B4GALNT4: variants seen among roughly 807,000 people sequenced by gnomAD.
B4GALNT4 encodes beta-1,4-N-acetyl-galactosaminyltransferase 4.
B4GALNT4 carries 77 observed loss-of-function variants against 110.0 expected under a neutral mutation model. That is an observed-to-expected ratio of 0.70 (90% confidence interval 0.58 to 0.85). The LOEUF (loss-of-function observed/expected upper bound fraction) is 0.85. Ranked by LOEUF, B4GALNT4 falls within the 40% of genes least tolerant of loss-of-function variation. The pLI is 0.00. For synonymous variants in B4GALNT4, 785 were observed against 655.5 expected, an observed-to-expected ratio of 1.20 and a Z score of -3.02; for missense variants, 1,575 against 1,506.0, an observed-to-expected ratio of 1.05 and a Z score of -0.76.
At chr11:369,986 G>T in intron 1 of B4GALNT4, 32 bp downstream of exon 1, 3 of 319,380 alleles carry the variant, frequency 9.4e-6, no homozygotes, top group Non-Finnish European at 1.3e-5. Context: ...GGGCGCGGGG[G>T]GCGGGGGCGG....
rs961413157 is a variant in B4GALNT4, at chr11:380,588, C to T, written c.2869+143C>T. On this transcript the variant is annotated intron_variant, in intron 18 of 19. Coordinates refer to ENST00000329962, the MANE Select transcript of B4GALNT4 (RefSeq NM_178537.5). ...TCCCCGTAGTGCCCAGAGCCCCAGT[C>T]CCCCCGCACCAGCACACCCAGGGCC... 1.2e-5 allele frequency: 16 copies of T among 1,312,790 alleles called. No individual in the cohort carries two copies. The East Asian group carries it at 2.8e-4, about 23-fold the overall frequency. 81.3% of individuals were successfully genotyped at this position (1,312,790 alleles called of 1,614,324 possible). A position where few individuals can be genotyped will look rare whatever the true frequency, so the allele number is the denominator to read the frequency against.
At position 369,708 on chromosome 11, in the gene B4GALNT4, C is replaced by CGGCGG. The variant is rs1846574467; in HGVS notation, c.-89_-85dup. ...CATGCGGGGCCGCGGGCGCTGAGCGCGGCGGGGCGGGCCGGGGATGCGGCG... is the reference window on the plus strand; with the variant it reads ...CATGCGGGGCCGCGGGCGCTGAGCGCGGCGGGGCGGGGCGGGCCGGGGATGCGGCG... On this transcript the variant is annotated 5_prime_UTR_variant, in exon 1 of 20. Transcript: ENST00000329962. 1.6e-6 allele frequency: 1 copy of CGGCGG among 611,992 alleles called. No individual in the cohort carries two copies. The highest frequency in any genetic ancestry group is 6.6e-5 in the Admixed American group (1 of 15,086). The allele number at this position is 611,992 out of a possible 1,614,324, so 37.9% of individuals were successfully genotyped here.
rs865939359 is a variant in B4GALNT4, at chr11:377,288, C to T, written c.2165C>T (p.Thr722Ile). 1.1e-5 allele frequency: 18 copies of T among 1,588,204 alleles called. No individual in the cohort carries two copies. Among genetic ancestry groups the T allele is most frequent in the Non-Finnish European group, 1.5e-5 (18 of 1,169,520 alleles). The change falls in exon 14 of 20, where the codon ACC becomes ATC. Residue 722 changes from threonine (T) to isoleucine (I), a missense_variant. By Grantham distance (89) the Thr-to-Ile change is moderately conservative. Coordinates refer to ENST00000329962, the MANE Select transcript of B4GALNT4 (RefSeq NM_178537.5). ...CCGGAGGCGGAGGCCGTGGACGTGACCGCTCAGTACATGGAGCGGCTGAAC... is the reference window on the plus strand; with the variant it reads ...CCGGAGGCGGAGGCCGTGGACGTGATCGCTCAGTACATGGAGCGGCTGAAC... ...QLPEAEAVDV[T>I]AQYMERLNAR...
rs557519672 is a variant in B4GALNT4 at position 371,275 on chromosome 11, G to A, written c.152-834G>A. On this transcript the variant is annotated intron_variant, in intron 1 of 19. Transcript: ENST00000329962. The stretch of plus-strand genomic sequence containing the variant: ...GGGCGAGTGAGCAGACTGTTCTGTC[G>A]GGGGACCTGGGGCCCAAGTCAGGGG... Among the ~76,000 whole-genome samples, 8 of 152,248 alleles carry A rather than the reference G, an allele frequency of 5.3e-5. No homozygotes were observed. In the East Asian group the frequency reaches 1.3e-3, roughly 26 times the overall value.
chr11:371,662 GT>G (rs1846620644), intron 1 of B4GALNT4, among the ~76,000 whole-genome samples: 1 of 152,234 alleles, frequency 6.6e-6, no homozygotes, highest in Non-Finnish European at 1.5e-5. Context: ...CTAACCCTGA[GT>G]TCTCAGTTCT....
In B4GALNT4 at chr11:377,057, AGGAGGAGGAAGG is replaced by A; in HGVS notation, c.1941_1952del (p.Glu647_Glu650del). 1 of 1,439,128 alleles carries A rather than the reference AGGAGGAGGAAGG, an allele frequency of 6.9e-7. No individual in the cohort carries two copies. 89.1% of individuals were successfully genotyped at this position (1,439,128 alleles called of 1,614,324 possible). A position where few individuals can be genotyped will look rare whatever the true frequency, so the allele number is the denominator to read the frequency against. Reference sequence around the variant, plus strand: ...CCGCAGCTGCCCGGGGAGGGCGAAGAGGAGGAGGAAGGGGAGGACGATGGGGCCCCGGGCGAC... The same window carrying A: ...CCGCAGCTGCCCGGGGAGGGCGAAGAGGAGGACGATGGGGCCCCGGGCGAC... On this transcript the variant is annotated inframe_deletion, in exon 14 of 20. Transcript: ENST00000329962.
chr11:375,651 T>G lies in B4GALNT4; in HGVS notation c.863T>G (p.Leu288Trp). 1 of 1,592,004 alleles carries G rather than the reference T, an allele frequency of 6.3e-7. No homozygotes were observed. Among genetic ancestry groups the G allele is most frequent in the Non-Finnish European group, 8.5e-7 (1 of 1,173,790 alleles). ...HISLYTDESA[L>W]KMDHVAHVPQ... is the part of the protein sequence containing the mutation. ...CTTCTGCCCCCAGATGAGTCAGCCT[T>G]GAAGATGGACCACGTGGCGCACGTC... Residue 288 changes from leucine (L) to tryptophan (W), a missense_variant, in exon 10 of 20, where the codon TTG (leucine) becomes TGG (tryptophan). Leu to Trp is a moderately conservative substitution (Grantham distance 61, BLOSUM62 -2). Coordinates refer to ENST00000329962, the MANE Select transcript of B4GALNT4 (RefSeq NM_178537.5).
At chr11:371,054 G>A (rs879002546) in intron 1 of B4GALNT4, among the ~76,000 whole-genome samples, 3 of 152,134 alleles carry the variant, frequency 2.0e-5, no homozygotes, top group Admixed American at 2.0e-4. Context: ...AACAAAACCA[G>A]CCCCCTCTGC....
chr11:373,624 G>C, intron 7 of B4GALNT4, 108 bp downstream of exon 7: 1 of 1,515,436 alleles, frequency 6.6e-7, no homozygotes, highest in Non-Finnish European at 9.1e-7. Flanking sequence ...ACGAGCACCC[G>C]CCCGGCCAAG....
intron 1 of B4GALNT4, among the ~76,000 whole-genome samples, chr11:370,303 C>T (rs75709474): frequency 0.079 from 11,975 of 152,110 alleles, 657 homozygotes; most frequent in Admixed American, 0.15. Context: ...AGTCTCTGCC[C>T]CTAGACCCTG....
Position 375,701 on chromosome 11 carries a change from G to C in B4GALNT4, c.913G>C (p.Gly305Arg), listed in dbSNP as rs118028728. The C allele has an allele frequency of 6.9e-6, 11 of 1,594,632 alleles. No homozygotes were observed. Among genetic ancestry groups the C allele is most frequent in the Non-Finnish European group, 9.4e-6 (11 of 1,175,144 alleles). Residue 305 changes from glycine (G) to arginine (R), a missense_variant, in exon 10 of 20, where the codon GGG (glycine) becomes CGG (arginine). Transcript: ENST00000329962. ...CCCCCAGTCTCCAGCCAGCCACGTGGGGGGGCGTCCGCCGCAGGAGGAGAC... is the reference window on the plus strand; with the variant it reads ...CCCCCAGTCTCCAGCCAGCCACGTGCGGGGGCGTCCGCCGCAGGAGGAGAC... ...HVPQSPASHVGGRPPQEETSA... is the reference protein window; with the variant it reads ...HVPQSPASHVRGRPPQEETSA...
At position 377,322 on chromosome 11, in the gene B4GALNT4, C is replaced by A; in HGVS notation, c.2199C>A (p.His733Gln). Reference protein sequence around the residue: ...AQYMERLNARHGGRFALLRIV... With the variant: ...AQYMERLNARQGGRFALLRIV... ...ACATGGAGCGGCTGAACGCGCGCCA[C>A]GGCGGGTATGGGGGCGGCCGAACGC... The change falls in exon 14 of 20, where the codon CAC becomes CAA. Residue 733 changes from histidine to glutamine, a missense_variant. By Grantham distance (24) the His-to-Gln change is conservative. Transcript: ENST00000329962. 10 of 1,535,816 alleles carry A rather than the reference C, an allele frequency of 6.5e-6. No homozygotes were observed. The highest frequency in any genetic ancestry group is 7.9e-6 in the Non-Finnish European group (9 of 1,144,580).
chr11:373,798 C>T lies in B4GALNT4; in HGVS notation c.753C>T (p.Asp251=), dbSNP rs201612132. The part of the protein sequence containing the change: ...RYYFELLHKQ[D]DRGSDHVEVG... ...ACTTTGAGTTGCTGCACAAGCAGGA[C>T]GACCGCGGCTCGGACCACGTGGAAG... Residue 251 remains aspartate, a synonymous_variant, in exon 8 of 20, where the codon GAC becomes GAT. Coordinates refer to ENST00000329962, the MANE Select transcript of B4GALNT4 (RefSeq NM_178537.5). 5.1e-4 allele frequency: 828 copies of T among 1,612,310 alleles called. 1 individual carries two copies. Among genetic ancestry groups the T allele is most frequent in the Non-Finnish European group, 6.5e-4 (763 of 1,179,852 alleles).
intron 18 of B4GALNT4, 54 bp downstream of exon 18, chr11:380,499 G>C (rs1458587993): frequency 8.5e-6 from 13 of 1,536,392 alleles, no homozygotes; most frequent in Middle Eastern, 1.7e-4. Flanking sequence ...CAACCGCCGC[G>C]GTAAAGTCCA....
At chr11:380,551 G>A in intron 18 of B4GALNT4, 106 bp downstream of exon 18, 2 of 1,435,030 alleles carry the variant, frequency 1.4e-6, no homozygotes, top group East Asian at 2.5e-5. Context: ...AGGCCTGGGA[G>A]TCCATCAGTG....
At chr11:379,841 G>A (rs1472000751) in intron 15 of B4GALNT4, 25 bp from the exon 16 acceptor site, 1 of 1,561,602 alleles carries the variant, frequency 6.4e-7, no homozygotes, top group East Asian at 2.3e-5. Flanking sequence ...TCGGCTCAGC[G>A]CCCCCCCCGC....
Position 369,781 on chromosome 11 carries a change from C to T in B4GALNT4, c.-23C>T. ...CTGCAGCGGCGCCGCTGAGCGCGGC[C>T]TGGGGCGGGCGCGGCGGCCGCGATG... On this transcript the variant is annotated 5_prime_UTR_variant, in exon 1 of 20. Coordinates refer to ENST00000329962, the MANE Select transcript of B4GALNT4 (RefSeq NM_178537.5). 4 of 974,182 alleles carry T rather than the reference C, an allele frequency of 4.1e-6. No homozygotes were observed. In the East Asian group the frequency reaches 4.7e-4, roughly 114 times the overall value. 60.3% of individuals were successfully genotyped at this position (974,182 alleles called of 1,614,324 possible).
At position 380,444 on chromosome 11, in the gene B4GALNT4, C is replaced by T. The variant is rs767133849; in HGVS notation, c.2868C>T (p.His956=). 20 of 1,594,768 alleles carry T rather than the reference C, an allele frequency of 1.3e-5. No homozygotes were observed. The highest frequency in any genetic ancestry group is 1.2e-4 in the Admixed American group (7 of 57,680). Residue 956 remains histidine, a splice_region_variant and synonymous_variant, in exon 18 of 20, where the codon CAC becomes CAT. Coordinates refer to ENST00000329962, the MANE Select transcript of B4GALNT4 (RefSeq NM_178537.5). ...LSCGSSPRDP[H]GYWEVNGFGL... is the part of the protein sequence containing the mutation. ...GCGGGAGCTCGCCCCGGGACCCCCA[C>T]GGTGAGGCCCCGAGCGTCCCACCCT... is the stretch of plus-strand genomic sequence containing the variant.
chr11:376,663 C>T lies in B4GALNT4; in HGVS notation c.1540C>T (p.Pro514Ser). 3 of 1,429,752 alleles carry T rather than the reference C, an allele frequency of 2.1e-6. No individual in the cohort carries two copies. Among genetic ancestry groups the T allele is most frequent in the Non-Finnish European group, 2.7e-6 (3 of 1,094,958 alleles). 88.6% of individuals were successfully genotyped at this position (1,429,752 alleles called of 1,614,324 possible). The change falls in exon 14 of 20, where the codon CCG (proline) becomes TCG (serine). Residue 514 changes from proline (P) to serine (S), a missense_variant. Coordinates refer to ENST00000329962, the MANE Select transcript of B4GALNT4 (RefSeq NM_178537.5). Reference sequence around the variant, plus strand: ...GCTCTTCTTGGGCCGAGCTCCGCCCCCGCGCCCTGCAGTGGAGCAGCCGCC... The same window carrying T: ...GCTCTTCTTGGGCCGAGCTCCGCCCTCGCGCCCTGCAGTGGAGCAGCCGCC... ...LPLFLGRAPP[P>S]RPAVEQPPPK...
Sources: allele counts gnomAD v4.1 joint callset (sites outside exome capture counted in the v4.1 genomes callset), GRCh38; gene constraint gnomAD v4.1.1; transcripts MANE v1.5; gene names NCBI Gene and HGNC (gene_info 2026-07-23, HGNC 2026-07-21).